The following EIF1AD variants were observed in gnomAD, a reference collection of about 807,000 sequenced individuals.
EIF1AD encodes the protein probable RNA-binding protein EIF1AD.
EIF1AD carries 9 observed loss-of-function variants against 21.7 expected under a neutral mutation model. The observed-to-expected ratio is 0.41, with a 90% confidence interval of 0.25 to 0.72. The LOEUF (loss-of-function observed/expected upper bound fraction) is 0.72, where lower values mean the gene tolerates loss of function less well. Among genes scored for constraint, EIF1AD ranks in the 30% least tolerant of loss-of-function variants. The pLI, the probability that EIF1AD is intolerant of heterozygous loss-of-function variation, is 0.29. For missense variants in EIF1AD, 164 were observed against 199.7 expected, an observed-to-expected ratio of 0.82 and a Z score of 1.08; for synonymous variants, 78 against 70.9, an observed-to-expected ratio of 1.10 and a Z score of -0.50.
In EIF1AD at chr11:66,000,289, C is replaced by T. The variant is rs754000096; in HGVS notation, c.87+14G>A. 36 of 1,613,284 alleles carry T rather than the reference C, an allele frequency of 2.2e-5. No homozygotes were observed. The highest frequency in any genetic ancestry group is 2.7e-5 in the Non-Finnish European group (32 of 1,179,672). On this transcript the variant is annotated intron_variant, in intron 2 of 5. Coordinates refer to ENST00000533544, the MANE Select transcript of EIF1AD (RefSeq NM_001242481.2). Reference sequence around the variant, plus strand: ...GGGTGGGGAGCAGAACAGCTTGTGCCCCACGCCACTCACCCTGACAATCTG... The same window carrying T: ...GGGTGGGGAGCAGAACAGCTTGTGCTCCACGCCACTCACCCTGACAATCTG...
intron 1 of EIF1AD, among the ~76,000 whole-genome samples, chr11:66,001,339 A>G (rs1207105603): frequency 1.3e-5 from 2 of 151,888 alleles, no homozygotes; most frequent in Non-Finnish European, 2.9e-5. Flanking sequence ...GGGCGTGATG[A>G]CGAGCGCCTG....
chr11:65,999,307 C>A (rs766368387), intron 5 of EIF1AD, 43 bp downstream of exon 5: 2 of 1,613,722 alleles, frequency 1.2e-6, no homozygotes, highest in Non-Finnish European at 1.7e-6. Context: ...AAAGCATGAA[C>A]CCCTTATTTT....
At position 65,997,506 on chromosome 11, in the gene EIF1AD, G is replaced by C. The variant is rs945045751; in HGVS notation, c.*1093C>G. On this transcript the variant is annotated 3_prime_UTR_variant, in exon 6 of 6. Coordinates refer to ENST00000533544, the MANE Select transcript of EIF1AD (RefSeq NM_001242481.2). ...ATGTGTTGTGGTAACTACCACAAGGGGGAATTGATAGATAAGACAGAAGTT... is the reference window on the plus strand; with the variant it reads ...ATGTGTTGTGGTAACTACCACAAGGCGGAATTGATAGATAAGACAGAAGTT... 6.6e-6 allele frequency: 1 copy of C among 152,156 alleles called. No individual in the cohort carries two copies. Among genetic ancestry groups the C allele is most frequent in the Non-Finnish European group, 1.5e-5 (1 of 68,048 alleles). The allele number at this position is 152,156 out of a possible 1,614,324, so 9.4% of individuals were successfully genotyped here. A position where few individuals can be genotyped will look rare whatever the true frequency, so the allele number is the denominator to read the frequency against.
At chr11:65,998,805 C>A in intron 5 of EIF1AD, 62 bp from the exon 6 acceptor site, 2 of 1,575,598 alleles carry the variant, frequency 1.3e-6, no homozygotes, top group Admixed American at 1.8e-5. Context: ...TATCTACAAT[C>A]AAGGAGTTCC....
rs983121594 is a variant in EIF1AD at position 65,996,636 on chromosome 11, T to C, written c.*1963A>G. ...ATATACATATATACAAATGTATATA[T>C]GTTTAAAGCCACGCTATAAGAGAAA... On this transcript the variant is annotated 3_prime_UTR_variant, in exon 6 of 6. Coordinates refer to ENST00000533544, the MANE Select transcript of EIF1AD (RefSeq NM_001242481.2). The C allele has an allele frequency of 6.6e-6, 1 of 152,130 alleles. No individual in the cohort carries two copies. The highest frequency in any genetic ancestry group is 2.4e-5 in the African/African-American group (1 of 41,412). The allele number at this position is 152,130 out of a possible 1,614,324, so 9.4% of individuals were successfully genotyped here.
Position 65,998,401 on chromosome 11 carries a change from C to G in EIF1AD, c.*198G>C. The G allele has an allele frequency of 1.9e-6, 1 of 533,460 alleles. No individual in the cohort carries two copies. Among genetic ancestry groups the G allele is most frequent in the Non-Finnish European group, 3.1e-6 (1 of 322,786 alleles). The allele number at this position is 533,460 out of a possible 1,614,324, so 33.0% of individuals were successfully genotyped here. A position where few individuals can be genotyped will look rare whatever the true frequency, so the allele number is the denominator to read the frequency against. On this transcript the variant is annotated 3_prime_UTR_variant, in exon 6 of 6. Transcript: ENST00000533544. ...TCACTTCATCACAATCTCCCTCCCC[C>G]GAGAGAGCCACTCAGACACCAGAAC...
rs1244201262 is a variant in EIF1AD, at chr11:65,999,399, T to A, written c.306-2A>T. The A allele has an allele frequency of 6.2e-7, 1 of 1,614,262 alleles. No individual in the cohort carries two copies. On this transcript the variant is annotated splice_acceptor_variant, in intron 4 of 5. Coordinates refer to ENST00000533544, the MANE Select transcript of EIF1AD (RefSeq NM_001242481.2). LOFTEE classifies it high-confidence loss of function. ...GCCACTTCAGAGAAGGCCTCAGGCC[T>A]ATGCCAAGAGATGAGCCAAAGTCAG...
chr11:65,999,949 C>T (rs1855878619), intron 3 of EIF1AD, 104 bp downstream of exon 3: 2 of 934,144 alleles, frequency 2.1e-6, no homozygotes, highest in Admixed American at 4.7e-5. Flanking sequence ...TAATTTTTTT[C>T]TTTTTGTAGA....
In EIF1AD at chr11:66,000,489, T is replaced by TG; in HGVS notation, c.-101dup. On this transcript the variant is annotated 5_prime_UTR_variant, in exon 2 of 6. Coordinates refer to ENST00000533544, the MANE Select transcript of EIF1AD (RefSeq NM_001242481.2). ...TCAGAACCCAGGACTGTTCTGAAGA[T>TG]GGGGAGGGGCCTTTTACTGAGGGGT... The TG allele has an allele frequency of 2.5e-6, 3 of 1,212,242 alleles. No individual in the cohort carries two copies. Among genetic ancestry groups the TG allele is most frequent in the Non-Finnish European group, 3.5e-6 (3 of 849,666 alleles). 75.1% of individuals were successfully genotyped at this position (1,212,242 alleles called of 1,614,324 possible). A position where few individuals can be genotyped will look rare whatever the true frequency, so the allele number is the denominator to read the frequency against.
intron 2 of EIF1AD, 58 bp downstream of exon 2, chr11:66,000,245 G>C: frequency 6.2e-7 from 1 of 1,604,728 alleles, no homozygotes; most frequent in Non-Finnish European, 8.5e-7. Context: ...CCCACCCCAG[G>C]GGCCCTCCAG....
rs200433192 is a variant in EIF1AD, at chr11:65,999,312, T to A, written c.353+38A>T. ...TCAAGGCACCAAAGCATGAACCCCT[T>A]ATTTTCCATGTACCCCACCCCAAGG... On this transcript the variant is annotated intron_variant, in intron 5 of 5. Coordinates refer to ENST00000533544, the MANE Select transcript of EIF1AD (RefSeq NM_001242481.2). 14 of 1,614,128 alleles carry A rather than the reference T, an allele frequency of 8.7e-6. No homozygotes were observed. In the African/African-American group the frequency reaches 1.9e-4, roughly 22 times the overall value.
Position 66,002,090 on chromosome 11 carries a change from A to T in EIF1AD, c.-297T>A, listed in dbSNP as rs886048511. Reference sequence around the variant, plus strand: ...TAGAAATCAGGTCTCCAGTGTTCCCAGTTCCCACCAGTCCAACTGCGAGGA... The same window carrying T: ...TAGAAATCAGGTCTCCAGTGTTCCCTGTTCCCACCAGTCCAACTGCGAGGA... On this transcript the variant is annotated 5_prime_UTR_variant, in exon 1 of 6. Coordinates refer to ENST00000533544, the MANE Select transcript of EIF1AD (RefSeq NM_001242481.2). The T allele has an allele frequency of 6.6e-6, 1 of 152,166 alleles. No individual in the cohort carries two copies. The highest frequency in any genetic ancestry group is 2.4e-5 in the African/African-American group (1 of 41,400). The allele number at this position is 152,166 out of a possible 1,614,324, so 9.4% of individuals were successfully genotyped here.
intron 1 of EIF1AD, among the ~76,000 whole-genome samples, 188 bp downstream of exon 1, chr11:66,001,722 T>A (rs1283065814): frequency 6.6e-6 from 1 of 152,010 alleles, no homozygotes; most frequent in African/African-American, 2.4e-5. Flanking sequence ...CAGGAACTAG[T>A]TAATTAAAGG....
At chr11:65,999,234 G>A in intron 5 of EIF1AD, 116 bp downstream of exon 5, 1 of 1,366,428 alleles carries the variant, frequency 7.3e-7, no homozygotes, top group Non-Finnish European at 1.0e-6. Flanking sequence ...CACATGCTTA[G>A]GAGCTCTCAA....
intron 2 of EIF1AD, 57 bp downstream of exon 2, chr11:66,000,246 G>T: frequency 6.2e-7 from 1 of 1,604,248 alleles, no homozygotes; most frequent in Non-Finnish European, 8.5e-7. Flanking sequence ...CCACCCCAGG[G>T]GCCCTCCAGG....
At chr11:65,999,276 C>T in intron 5 of EIF1AD, 74 bp downstream of exon 5, 1 of 1,595,190 alleles carries the variant, frequency 6.3e-7, no homozygotes, top group Non-Finnish European at 8.6e-7. Context: ...AAAGAAGGCT[C>T]TATTTTTCCC....
intron 1 of EIF1AD, 108 bp downstream of exon 1, chr11:66,001,802 T>A (rs1855982848): frequency 6.6e-6 from 1 of 152,252 alleles, no homozygotes. Flanking sequence ...CGAAGGCCAG[T>A]ACCCTTAAGA....
chr11:65,999,262 G>C, intron 5 of EIF1AD, 88 bp downstream of exon 5: 1 of 1,556,480 alleles, frequency 6.4e-7, no homozygotes, highest in Non-Finnish European at 8.8e-7. Context: ...CCTATGTAAG[G>C]AGGAAAGAAG....
chr11:65,999,290 A>G, intron 5 of EIF1AD, 60 bp downstream of exon 5: 1 of 1,609,976 alleles, frequency 6.2e-7, no homozygotes, highest in Non-Finnish European at 8.5e-7. Flanking sequence ...TTTTCCCTCA[A>G]GGCACCAAAG....
Sources: allele counts gnomAD v4.1 joint callset (sites outside exome capture counted in the v4.1 genomes callset), GRCh38; gene constraint gnomAD v4.1.1; transcripts MANE v1.5; gene names NCBI Gene and HGNC (gene_info 2026-07-23, HGNC 2026-07-21).